The following ADCK1 variants were observed in gnomAD, a reference collection of about 807,000 sequenced individuals.
The protein encoded by ADCK1 is aarF domain-containing protein kinase 1.
ADCK1 carries 41 observed loss-of-function variants against 52.3 expected under a neutral mutation model. The ratio of observed to expected loss-of-function variants is 0.78; its 90% confidence interval spans 0.61 to 1.02. ADCK1 has a LOEUF of 1.02. ADCK1 is among the 50% of genes least tolerant of loss of function. The pLI, the probability that ADCK1 is intolerant of heterozygous loss-of-function variation, is 0.00. For missense variants in ADCK1, 658 were observed against 679.5 expected (o/e 0.97, Z 0.35); for synonymous variants, 250 against 274.6 (o/e 0.91, Z 0.89).
intron 1 of ADCK1, among the ~76,000 whole-genome samples, chr14:77,818,469 A>G (rs1186123033): frequency 1.3e-5 from 2 of 152,082 alleles, no homozygotes; most frequent in Admixed American, 6.6e-5. Context: ...TTTCGTAGAG[A>G]CGGGGTTTCG....
At chr14:77,810,808 G>A (rs2081325199) in intron 1 of ADCK1, among the ~76,000 whole-genome samples, 1 of 152,152 alleles carries the variant, frequency 6.6e-6, no homozygotes, top group Admixed American at 6.5e-5. Context: ...TGGGATTACA[G>A]GCGTGAGCCT....
At chr14:77,807,041 T>TC (rs2081240853) in intron 1 of ADCK1, among the ~76,000 whole-genome samples, 3 of 135,460 alleles carry the variant, frequency 2.2e-5, no homozygotes, top group African/African-American at 9.0e-5. Flanking sequence ...TCTCTCTCTT[T>TC]TTTTTTTTTT....
At chr14:77,875,478 T>A (rs894864744) in intron 4 of ADCK1, among the ~76,000 whole-genome samples, 4 of 127,132 alleles carry the variant, frequency 3.1e-5, no homozygotes, top group African/African-American at 1.1e-4. Context: ...CGGTCCCTGG[T>A]TTCTAGATAT....
intron 3 of ADCK1, among the ~76,000 whole-genome samples, chr14:77,844,075 T>C (rs2082127225): frequency 6.6e-6 from 1 of 152,066 alleles, no homozygotes; most frequent in African/African-American, 2.4e-5. Context: ...TTTTTTTCTT[T>C]TTTTTTTCTG....
Position 77,802,106 on chromosome 14 carries a change from G to A in ADCK1, c.-12+1936G>A, listed in dbSNP as rs556373747. On this transcript the variant is annotated intron_variant, in intron 1 of 10. Transcript: ENST00000238561. ...ACTTTTTGCTCTCTTGGTGGGAGCA[G>A]TCATACATGGATTCAAGTTCTGCCT... 1.1e-4 allele frequency among the ~76,000 whole-genome samples: 16 copies of A among 152,018 alleles called. No homozygotes were observed. The South Asian group carries it at 1.7e-3, about 16-fold the overall frequency.
intron 10 of ADCK1, among the ~76,000 whole-genome samples, chr14:77,932,129 A>G (rs1484813770): frequency 6.7e-6 from 1 of 149,480 alleles, no homozygotes; most frequent in Non-Finnish European, 1.5e-5. Context: ...GCTCACTGCA[A>G]CCTTCATCTC....
intron 6 of ADCK1, among the ~76,000 whole-genome samples, chr14:77,904,958 C>T (rs535903942): frequency 2.6e-5 from 4 of 152,130 alleles, no homozygotes; most frequent in Admixed American, 2.6e-4. Flanking sequence ...ACCCCACACC[C>T]CCAGGTCCTC....
chr14:77,898,931 G>A (rs1024834958), intron 5 of ADCK1, among the ~76,000 whole-genome samples, 169 bp from the exon 6 acceptor site: 1 of 152,216 alleles, frequency 6.6e-6, no homozygotes, highest in African/African-American at 2.4e-5. Flanking sequence ...AGAGTACCAA[G>A]CTTATGGGAG....
At chr14:77,811,706 G>T (rs1450164759) in intron 1 of ADCK1, among the ~76,000 whole-genome samples, 1 of 152,166 alleles carries the variant, frequency 6.6e-6, no homozygotes, top group African/African-American at 2.4e-5. Context: ...CTACTTGGGA[G>T]GCTGAGGTGG....
intron 1 of ADCK1, among the ~76,000 whole-genome samples, chr14:77,817,987 C>T (rs542801043): frequency 7.9e-5 from 12 of 152,132 alleles, no homozygotes; most frequent in Non-Finnish European, 1.3e-4. Flanking sequence ...ATCTGCCCGC[C>T]TTGGCCTCCC....
At chr14:77,819,859 A>G (rs896760111) in intron 2 of ADCK1, among the ~76,000 whole-genome samples, 8 of 152,184 alleles carry the variant, frequency 5.3e-5, no homozygotes, top group Non-Finnish European at 1.2e-4. Context: ...AATCTGATGC[A>G]CAGTCTATTG....
At chr14:77,852,908 T>TATATATATATA (rs56338375) in intron 3 of ADCK1, among the ~76,000 whole-genome samples, 37 of 23,388 alleles carry the variant, frequency 1.6e-3, no homozygotes, top group South Asian at 3.0e-3. Context: ...TATATATATA[T>TATATATATATA]TTTTTTTTTT....
chr14:77,931,407 C>T (rs2084330123), intron 9 of ADCK1, 111 bp from the exon 10 acceptor site: 2 of 1,139,996 alleles, frequency 1.8e-6, no homozygotes, highest in Admixed American at 2.4e-5. Flanking sequence ...CCTGAAGCTC[C>T]CTCCTGGGGC....
intron 4 of ADCK1, among the ~76,000 whole-genome samples, chr14:77,868,801 G>A (rs1336877996): frequency 6.6e-6 from 1 of 152,234 alleles, no homozygotes; most frequent in Non-Finnish European, 1.5e-5. Flanking sequence ...GATTTGTAGA[G>A]CAACTGCTAT....
Position 77,907,827 on chromosome 14 carries a change from T to A in ADCK1, c.766T>A (p.Ser256Thr). ...GGTCCCCCGAATCCACTGGGACCTG[T>A]CCACGGAGCGGGTCCTCCTGATGGA... The part of the protein sequence containing the change: ...LKVPRIHWDL[S>T]TERVLLMEFV... Residue 256 changes from serine (S) to threonine (T), a missense_variant, in exon 7 of 11, where the codon TCC becomes ACC. Physicochemically the swap from Ser to Thr is moderately conservative, Grantham distance 58. Coordinates refer to ENST00000238561, the MANE Select transcript of ADCK1 (RefSeq NM_020421.4). 6.2e-7 allele frequency: 1 copy of A among 1,614,024 alleles called. No individual in the cohort carries two copies. Among genetic ancestry groups the A allele is most frequent in the Non-Finnish European group, 8.5e-7 (1 of 1,179,920 alleles).
intron 5 of ADCK1, among the ~76,000 whole-genome samples, chr14:77,888,709 GAGA>G (rs1176223368): frequency 6.6e-6 from 1 of 152,160 alleles, no homozygotes; most frequent in African/African-American, 2.4e-5. Context: ...TGGTATGAAT[GAGA>G]AGGAGACAAA....
At chr14:77,887,282 T>C (rs943644385) in intron 5 of ADCK1, 33 bp downstream of exon 5, 1 of 1,521,300 alleles carries the variant, frequency 6.6e-7, no homozygotes, top group Admixed American at 2.0e-5. Context: ...TCCTGTGTCC[T>C]CAGTCTACAT....
chr14:77,921,326 C>CAAAAAAAAAAAAAA (rs756056466), intron 7 of ADCK1, among the ~76,000 whole-genome samples: 573 of 41,188 alleles, frequency 0.014, 84 homozygotes, highest in South Asian at 0.019. Flanking sequence ...GACTCTGTCT[C>CAAAAAAAAAAAAAA]AAAAAAAAAA....
chr14:77,895,631 G>A (rs2083392392), intron 5 of ADCK1, among the ~76,000 whole-genome samples: 1 of 152,182 alleles, frequency 6.6e-6, no homozygotes, highest in South Asian at 2.1e-4. Flanking sequence ...CTTAAGGTGG[G>A]CTAAGTAGAT....
Sources: allele counts gnomAD v4.1 joint callset (sites outside exome capture counted in the v4.1 genomes callset), GRCh38; gene constraint gnomAD v4.1.1; transcripts MANE v1.5; gene names NCBI Gene and HGNC (gene_info 2026-07-23, HGNC 2026-07-21).